SLC20A2: variants seen among roughly 807,000 people sequenced by gnomAD.
SLC20A2 encodes solute carrier family 20 member 2.
Under a neutral mutation model 61.0 loss-of-function variants are expected in SLC20A2, and 30 were observed. The ratio of observed to expected loss-of-function variants is 0.49; its 90% CI spans 0.37 to 0.67. The LOEUF is 0.67. Among genes scored for constraint, SLC20A2 ranks in the 30% least tolerant of loss-of-function variants. SLC20A2 has a pLI of 0.00. For synonymous variants in SLC20A2, 351 were observed against 353.3 expected (o/e 0.99, Z 0.07); for missense variants, 626 against 866.4 (o/e 0.72, Z 3.48).
intron 1 of SLC20A2, among the ~76,000 whole-genome samples, chr8:42,530,250 T>C (rs921530596): frequency 6.6e-6 from 1 of 152,192 alleles, no homozygotes; most frequent in African/African-American, 2.4e-5. Flanking sequence ...CAAATCACTG[T>C]GCCATATTTT....
At position 42,443,308 on chromosome 8, in the gene SLC20A2, T is replaced by A. The variant is rs554970074; in HGVS notation, c.730+1338A>T. Among the ~76,000 whole-genome samples the A allele has an allele frequency of 2.8e-3, 324 of 117,734 alleles. 6 individuals are homozygous for A. The highest frequency in any genetic ancestry group is 0.015 in the South Asian group (54 of 3,624). 77.2% of individuals were successfully genotyped at this position (117,734 alleles called of 152,430 possible). On this transcript the variant is annotated intron_variant, in intron 6 of 10. Coordinates refer to ENST00000520262, the MANE Select transcript of SLC20A2 (RefSeq NM_001257180.2). ...ATATATATATATATATATATATATA[T>A]AATAAAATGTATACTTTTTTTTTTG...
chr8:42,430,187 T>G lies in SLC20A2; in HGVS notation c.1586A>C (p.Glu529Ala), dbSNP rs1281873500. The change falls in exon 9 of 11, where the codon GAA becomes GCA. Residue 529 changes from glutamate to alanine, a missense_variant. Physicochemically the swap from Glu to Ala is moderately radical, Grantham distance 107 (BLOSUM62 -1). This residue lies in a region of SLC20A2 where 138 missense variants were observed against 228.7 expected (regional missense o/e 0.60). Coordinates refer to ENST00000520262, the MANE Select transcript of SLC20A2 (RefSeq NM_001257180.2). ...LIYKQGGVTQ[E>A]AATPVWLLFY... ...CAGCAGCCAGACGGGTGTAGCTGCT[T>G]CTTGCGTTACCCCGCCTTGTTTGTA... 1 of 1,614,040 alleles carries G rather than the reference T, an allele frequency of 6.2e-7. No homozygotes were observed. The highest frequency in any genetic ancestry group is 1.7e-5 in the Admixed American group (1 of 59,996).
chr8:42,433,368 G>A (rs1418815594), intron 8 of SLC20A2, among the ~76,000 whole-genome samples: 1 of 152,132 alleles, frequency 6.6e-6, no homozygotes, highest in Non-Finnish European at 1.5e-5. Flanking sequence ...TGGTTGCCCA[G>A]GCTGGAGTGC....
At chr8:42,533,654 CTTTTTTT>C (rs1162369065) in intron 1 of SLC20A2, among the ~76,000 whole-genome samples, 4 of 55,306 alleles carry the variant, frequency 7.2e-5, no homozygotes, top group Non-Finnish European at 1.0e-4. Flanking sequence ...ATCAACTGTT[CTTTTTTT>C]TTTTTTTTTT....
rs895210199 is a variant in SLC20A2 at position 42,500,226 on chromosome 8, C to T, written c.-265+805G>A. On this transcript the variant is annotated intron_variant, in intron 1 of 10. Transcript: ENST00000520262. ...GATAAAGAAATTCCTGCCTGGTTCT[C>T]TGCTGTAAGCAAACTGTTTGGCTTG... 3.9e-5 allele frequency among the ~76,000 whole-genome samples: 6 copies of T among 152,228 alleles called. No homozygotes were observed. In the East Asian group the frequency reaches 1.2e-3, roughly 29 times the overall value.
intron 10 of SLC20A2, among the ~76,000 whole-genome samples, chr8:42,418,328 G>A (rs7839753): frequency 0.084 from 12,711 of 151,214 alleles, 1,708 homozygotes; most frequent in African/African-American, 0.28. Context: ...CATCACCCTT[G>A]GCTAATTTTC....
chr8:42,507,089 A>G (rs1810753473), intron 1 of SLC20A2, among the ~76,000 whole-genome samples: 1 of 152,234 alleles, frequency 6.6e-6, no homozygotes, highest in South Asian at 2.1e-4. Context: ...CTGCCAGCTG[A>G]CTGCAAAGTC....
intron 1 of SLC20A2, among the ~76,000 whole-genome samples, chr8:42,532,295 C>T (rs1290828054): frequency 6.6e-6 from 1 of 152,172 alleles, no homozygotes; most frequent in African/African-American, 2.4e-5. Context: ...GATCTCAGTC[C>T]AATTTCTAGA....
chr8:42,481,940 C>CT (rs1372967138), intron 1 of SLC20A2, among the ~76,000 whole-genome samples: 1 of 152,172 alleles, frequency 6.6e-6, no homozygotes, highest in Non-Finnish European at 1.5e-5. Context: ...CGTAAAGCTT[C>CT]TGTGATATTT....
intron 1 of SLC20A2, among the ~76,000 whole-genome samples, chr8:42,531,046 T>C (rs1477239683): frequency 2.0e-5 from 3 of 152,214 alleles, no homozygotes; most frequent in Non-Finnish European, 1.5e-5. Flanking sequence ...TCAGTTCTCC[T>C]GTAATAGCTG....
At chr8:42,429,253 C>T (rs1487648871) in intron 9 of SLC20A2, among the ~76,000 whole-genome samples, 2 of 152,152 alleles carry the variant, frequency 1.3e-5, no homozygotes, top group Non-Finnish European at 2.9e-5. Flanking sequence ...TCTAAACTAT[C>T]TTTTATTGAA....
intron 1 of SLC20A2, among the ~76,000 whole-genome samples, chr8:42,494,124 A>C (rs948272922): frequency 5.9e-5 from 9 of 152,210 alleles, no homozygotes; most frequent in Non-Finnish European, 2.9e-5. Context: ...CCTGGATGAC[A>C]GTGAGACCCT....
intron 1 of SLC20A2, among the ~76,000 whole-genome samples, chr8:42,523,690 C>T (rs1811742997): frequency 6.6e-6 from 1 of 152,174 alleles, no homozygotes; most frequent in Non-Finnish European, 1.5e-5. Flanking sequence ...CCTCTGAAGT[C>T]ATCTTCTTAA....
At chr8:42,523,351 A>T (rs13268076) in intron 1 of SLC20A2, among the ~76,000 whole-genome samples, 19,057 of 145,874 alleles carry the variant, frequency 0.13, 1,318 homozygotes, top group South Asian at 0.23. Context: ...ATAAATAAAT[A>T]AAATAAATAA....
upstream of SLC20A2, among the ~76,000 whole-genome samples, chr8:42,505,923 G>A (rs1202639533): frequency 2.0e-5 from 3 of 151,232 alleles, no homozygotes; most frequent in Admixed American, 2.0e-4. Flanking sequence ...AATGAACATT[G>A]AAGAAAAAAC....
chr8:42,487,025 C>T (rs552554194), intron 1 of SLC20A2, among the ~76,000 whole-genome samples: 78 of 151,996 alleles, frequency 5.1e-4, no homozygotes, highest in Admixed American at 8.5e-4. Flanking sequence ...TGCCACAACG[C>T]CCGGCTAATT....
intron 1 of SLC20A2, among the ~76,000 whole-genome samples, chr8:42,479,879 CACG>C (rs1808427764): frequency 6.6e-6 from 1 of 152,038 alleles, no homozygotes; most frequent in African/African-American, 2.4e-5. Context: ...AGGTCAGATG[CACG>C]ACAACTCCAG....
At chr8:42,419,251 A>G (rs1802884377) in intron 10 of SLC20A2, among the ~76,000 whole-genome samples, 1 of 151,968 alleles carries the variant, frequency 6.6e-6, no homozygotes, top group Non-Finnish European at 1.5e-5. Flanking sequence ...TCACAATCCA[A>G]TGTTTATGAC....
At chr8:42,529,504 A>G (rs979457386) in intron 1 of SLC20A2, among the ~76,000 whole-genome samples, 1 of 140,760 alleles carries the variant, frequency 7.1e-6, no homozygotes, top group Non-Finnish European at 1.5e-5. Context: ...AGGCTCCATA[A>G]TGGAAACTGT....
Sources: gnomAD v4.1 joint callset for allele counts (sites outside exome capture counted in the v4.1 genomes callset) on GRCh38, gnomAD v4.1.1 for gene constraint, gnomAD v4.1.1 regional missense constraint, MANE v1.5 for transcripts, NCBI Gene and HGNC (gene_info 2026-07-23, HGNC 2026-07-21) for gene names.